PTPRD: variants seen among roughly 807,000 people sequenced by gnomAD.
PTPRD encodes the protein protein tyrosine phosphatase receptor type D.
Under a neutral mutation model 214.5 loss-of-function variants are expected in PTPRD, and 34 were observed. The ratio of observed to expected loss-of-function variants is 0.16; its 90% CI spans 0.12 to 0.21. PTPRD has a LOEUF of 0.21. PTPRD is among the 10% of genes least tolerant of loss of function. The probability of loss-of-function intolerance (pLI) is 1.00; values close to 1 mark genes in which losing one functional copy is unlikely to be tolerated. For synonymous variants in PTPRD, 1,128 were observed against 845.7 expected, an observed-to-expected ratio of 1.33 and a Z score of -5.79; for missense variants, 2,545 against 2,398.7, an observed-to-expected ratio of 1.06 and a Z score of -1.27.
At chr9:9,606,445 T>C (rs563247828) in intron 7 of PTPRD, among the ~76,000 whole-genome samples, 1 of 152,228 alleles carries the variant, frequency 6.6e-6, no homozygotes, top group South Asian at 2.1e-4. Context: ...AGGTATTTAC[T>C]CTCTTTATCC....
At chr9:10,103,736 C>T (rs2098594911) in intron 3 of PTPRD, among the ~76,000 whole-genome samples, 1 of 151,432 alleles carries the variant, frequency 6.6e-6, no homozygotes, top group East Asian at 2.0e-4. Context: ...GGATGCTTAT[C>T]CTTACAGGCA....
intron 2 of PTPRD, among the ~76,000 whole-genome samples, chr9:10,378,784 G>C (rs1012897265): frequency 1.3e-5 from 2 of 151,976 alleles, no homozygotes; most frequent in Non-Finnish European, 2.9e-5. Flanking sequence ...GCATAGAATA[G>C]TTTTGGCTAT....
intron 2 of PTPRD, among the ~76,000 whole-genome samples, chr9:10,403,388 A>G (rs1020768899): frequency 6.6e-6 from 1 of 150,976 alleles, no homozygotes; most frequent in South Asian, 2.1e-4. Flanking sequence ...TTGAAATTTT[A>G]GTTAATTAAT....
intron 30 of PTPRD, among the ~76,000 whole-genome samples, chr9:8,471,418 AG>A (rs1289830235): frequency 9.2e-5 from 14 of 152,142 alleles, no homozygotes; most frequent in Non-Finnish European, 1.8e-4. Flanking sequence ...TACCACCACA[AG>A]CTGCTGAACC....
intron 2 of PTPRD, among the ~76,000 whole-genome samples, chr9:10,570,400 G>A (rs889072590): frequency 6.6e-6 from 1 of 152,118 alleles, no homozygotes; most frequent in African/African-American, 2.4e-5. Flanking sequence ...CATATCAGGA[G>A]TGTGTTCTCT....
intron 9 of PTPRD, among the ~76,000 whole-genome samples, chr9:9,292,709 A>G (rs1204124944): frequency 1.3e-5 from 2 of 151,404 alleles, no homozygotes; most frequent in African/African-American, 4.8e-5. Context: ...ATTATATTTA[A>G]TAGTCATATC....
rs116828888 is a variant in PTPRD, at chr9:8,595,987, G to A, written c.352+37330C>T. ...CAAATCATAGGTTAAGTTCCTGGAA[G>A]GAAATAACAGGCTGATCAAGGATTT... On this transcript the variant is annotated intron_variant, in intron 14 of 45. Coordinates refer to ENST00000381196, the MANE Select transcript of PTPRD (RefSeq NM_002839.4). 8.3e-3 allele frequency among the ~76,000 whole-genome samples: 1,262 copies of A among 152,226 alleles called. 22 individuals carry two copies. Among genetic ancestry groups the A allele is most frequent in the African/African-American group, 0.029 (1,184 of 41,538 alleles).
intron 8 of PTPRD, among the ~76,000 whole-genome samples, chr9:9,503,456 G>A (rs1205969244): frequency 6.6e-6 from 1 of 151,508 alleles, no homozygotes; most frequent in Admixed American, 6.6e-5. Flanking sequence ...GGGGGCTTAG[G>A]TTCAAATGGG....
At chr9:8,412,879 A>C (rs777336939) in intron 35 of PTPRD, among the ~76,000 whole-genome samples, 1 of 152,184 alleles carries the variant, frequency 6.6e-6, no homozygotes, top group African/African-American at 2.4e-5. Context: ...TATGGTTCTC[A>C]CTTTTTGCAT....
intron 8 of PTPRD, among the ~76,000 whole-genome samples, chr9:9,427,939 T>TA (rs1315501448): frequency 6.6e-6 from 1 of 152,176 alleles, no homozygotes; most frequent in Non-Finnish European, 1.5e-5. Flanking sequence ...GAACAACCGT[T>TA]ACCAGCCACT....
intron 11 of PTPRD, among the ~76,000 whole-genome samples, chr9:8,965,444 C>T (rs1410471855): frequency 1.3e-5 from 2 of 151,472 alleles, no homozygotes; most frequent in Non-Finnish European, 2.9e-5. Context: ...GTGTTGAAGT[C>T]CCCCACTTTT....
chr9:9,355,459 A>G lies in PTPRD; in HGVS notation c.-203+41990T>C, dbSNP rs576947414. ...AGCATTTTTTATATATTGGAATGTC[A>G]TGAATAAGATAAAGAGTGGGTTAAA... is the stretch of plus-strand genomic sequence containing the variant. On this transcript the variant is annotated intron_variant, in intron 9 of 45. Coordinates refer to ENST00000381196, the MANE Select transcript of PTPRD (RefSeq NM_002839.4). Among the ~76,000 whole-genome samples the G allele has an allele frequency of 4.6e-5, 7 of 151,802 alleles. No homozygotes were observed. In the East Asian group the frequency reaches 9.7e-4, roughly 21 times the overall value.
intron 11 of PTPRD, among the ~76,000 whole-genome samples, chr9:8,742,831 C>T (rs1250336842): frequency 6.6e-6 from 1 of 152,096 alleles, no homozygotes; most frequent in Admixed American, 6.5e-5. Flanking sequence ...GTAGCTCCAT[C>T]CTCAGGGTGA....
At chr9:10,466,012 T>C (rs192595693) in intron 2 of PTPRD, among the ~76,000 whole-genome samples, 6 of 152,298 alleles carry the variant, frequency 3.9e-5, no homozygotes, top group South Asian at 2.1e-4. Context: ...GAAAAACTTA[T>C]GTGGAGAAAT....
chr9:9,092,543 T>C lies in PTPRD; in HGVS notation c.-142-73808A>G, dbSNP rs370738397. On this transcript the variant is annotated intron_variant, in intron 10 of 45. Coordinates refer to ENST00000381196, the MANE Select transcript of PTPRD (RefSeq NM_002839.4). ...TTTACAAATTAAGTGTAATAGTTAT[T>C]CTATTCACTTATAACATATGAAAAA... is the stretch of plus-strand genomic sequence containing the variant. 7.9e-5 allele frequency among the ~76,000 whole-genome samples: 12 copies of C among 152,156 alleles called. No individual in the cohort carries two copies. In the South Asian group the frequency reaches 2.1e-3, roughly 26 times the overall value.
intron 15 of PTPRD, chr9:8,528,219 G>A (rs2074717022): frequency 2.4e-6 from 1 of 420,372 alleles, no homozygotes; most frequent in East Asian, 3.5e-5. Context: ...TGCAAGTTCT[G>A]AATGAAGTCC....
chr9:9,268,024 C>T (rs1940903197), intron 9 of PTPRD, among the ~76,000 whole-genome samples: 1 of 151,032 alleles, frequency 6.6e-6, no homozygotes, highest in Admixed American at 6.6e-5. Context: ...GAAGTTCTTG[C>T]CTGAGAAATC....
chr9:8,638,302 T>C (rs540038955), intron 12 of PTPRD, among the ~76,000 whole-genome samples: 1 of 152,310 alleles, frequency 6.6e-6, no homozygotes, highest in East Asian at 1.9e-4. Flanking sequence ...GTATCTTCTC[T>C]GTATTGATTT....
intron 8 of PTPRD, among the ~76,000 whole-genome samples, chr9:9,491,100 GA>G (rs1029596329): frequency 1.3e-5 from 2 of 151,642 alleles, no homozygotes; most frequent in African/African-American, 4.8e-5. Context: ...TTAAAGGATG[GA>G]AAAAAACATT....
Sources: allele counts gnomAD v4.1 joint callset (sites outside exome capture counted in the v4.1 genomes callset), GRCh38; gene constraint gnomAD v4.1.1; transcripts MANE v1.5; gene names NCBI Gene and HGNC (gene_info 2026-07-23, HGNC 2026-07-21).